FBXO11: variants seen among roughly 807,000 people sequenced by gnomAD.
FBXO11 encodes the protein F-box protein 11, also known as F-box only protein 11.
In FBXO11, 13 loss-of-function variants were observed where a neutral mutation model predicts 117.0. The observed-to-expected ratio is 0.11, with a 90% CI of 0.07 to 0.18. The LOEUF (loss-of-function observed/expected upper bound fraction) is 0.18. Among genes scored for constraint, FBXO11 ranks in the 10% least tolerant of loss-of-function variants. The pLI is 1.00. For missense variants in FBXO11, 767 were observed against 1,164.4 expected, an observed-to-expected ratio of 0.66 and a Z score of 4.97; for synonymous variants, 490 against 380.5, an observed-to-expected ratio of 1.29 and a Z score of -3.35.
At chr2:47,849,241 T>C (rs1260575073) in intron 1 of FBXO11, among the ~76,000 whole-genome samples, 3 of 152,362 alleles carry the variant, frequency 2.0e-5, no homozygotes, top group Admixed American at 6.5e-5. Flanking sequence ...TATTTTATAA[T>C]AGAGATCCCA....
In FBXO11 at chr2:47,906,016, C is replaced by CGAGA. The variant is rs1401540585; in HGVS notation, c.-300_-297dup. 1 of 299,812 alleles carries CGAGA rather than the reference C, an allele frequency of 3.3e-6. No homozygotes were observed. Among genetic ancestry groups the CGAGA allele is most frequent in the African/African-American group, 2.2e-5 (1 of 44,738 alleles). The allele number at this position is 299,812 out of a possible 1,614,324, so 18.6% of individuals were successfully genotyped here. ...GACGAAGGCAGAAAGACGGGCAGAC[C>CGAGA]GAGAGAAAGAAAGAAAGGGCGTCCG... is the stretch of plus-strand genomic sequence containing the variant. On this transcript the variant is annotated 5_prime_UTR_variant, in exon 1 of 23. Coordinates refer to ENST00000403359, the MANE Select transcript of FBXO11 (RefSeq NM_001190274.2).
chr2:47,847,468 G>C (rs1431529826), intron 1 of FBXO11, among the ~76,000 whole-genome samples: 1 of 152,158 alleles, frequency 6.6e-6, no homozygotes, highest in African/African-American at 2.4e-5. Flanking sequence ...CAGCACTTTG[G>C]GAGGCCAAGA....
rs991337666 is a variant in FBXO11, at chr2:47,807,286, T to C, written c.*832A>G. The C allele has an allele frequency of 4.6e-6, 1 of 219,720 alleles. No individual in the cohort carries two copies. The highest frequency in any genetic ancestry group is 9.1e-6 in the Non-Finnish European group (1 of 109,418). The allele number at this position is 219,720 out of a possible 1,614,324, so 13.6% of individuals were successfully genotyped here. ...TTGAAGAGACTTTCTAAAGTGTACT[T>C]AAAACATAGTAGTTTTTTACCTTTC... On this transcript the variant is annotated 3_prime_UTR_variant, in exon 23 of 23. Transcript: ENST00000403359.
intron 1 of FBXO11, among the ~76,000 whole-genome samples, chr2:47,860,843 ATTTTTTTT>A (rs34675496): frequency 2.9e-5 from 3 of 104,222 alleles, no homozygotes; most frequent in African/African-American, 1.2e-4. Flanking sequence ...GTTTTCCCCT[ATTTTTTTT>A]TTTTTTTTTT....
intron 1 of FBXO11, among the ~76,000 whole-genome samples, chr2:47,852,325 C>G (rs1187581816): frequency 6.6e-6 from 1 of 152,110 alleles, no homozygotes; most frequent in Non-Finnish European, 1.5e-5. Flanking sequence ...AAACGGACCT[C>G]ACCAGAGAGA....
chr2:47,897,574 A>C (rs1677769820), intron 1 of FBXO11, among the ~76,000 whole-genome samples: 1 of 151,930 alleles, frequency 6.6e-6, no homozygotes, highest in Non-Finnish European at 1.5e-5. Flanking sequence ...GTGTGCACCT[A>C]TAATCCCAGC....
rs762065265 is a variant in FBXO11, at chr2:47,835,966, C to T, written c.623G>A (p.Arg208His). 16 of 1,609,670 alleles carry T rather than the reference C, an allele frequency of 9.9e-6. No individual in the cohort carries two copies. Among genetic ancestry groups the T allele is most frequent in the Middle Eastern group, 1.7e-4 (1 of 6,010 alleles). The change falls in exon 5 of 23, where the codon CGC becomes CAC. Residue 208 changes from arginine (R) to histidine (H), a missense_variant. Coordinates refer to ENST00000403359, the MANE Select transcript of FBXO11 (RefSeq NM_001190274.2). ...RLYMEVFEYT[R>H]PMMHPEPGKF... ...TCCAGGTTCAGGATGCATCATAGGG[C>T]GAGTATATTCAAATACTTCCATATA... is the stretch of plus-strand genomic sequence containing the variant.
chr2:47,849,141 C>A lies in FBXO11; in HGVS notation c.233-9372G>T, dbSNP rs533727715. Among the ~76,000 whole-genome samples the A allele has an allele frequency of 1.3e-4, 20 of 148,626 alleles. No individual in the cohort carries two copies. In the South Asian group the frequency reaches 4.3e-3, roughly 32 times the overall value. On this transcript the variant is annotated intron_variant, in intron 1 of 22. Coordinates refer to ENST00000403359, the MANE Select transcript of FBXO11 (RefSeq NM_001190274.2). ...CTAACACAGTTGGAAACTACCACAG[C>A]TTTTCTCTAACTGCTAAAAAAATTC...
intron 1 of FBXO11, among the ~76,000 whole-genome samples, chr2:47,889,187 A>C (rs1018042000): frequency 2.0e-5 from 3 of 152,182 alleles, no homozygotes; most frequent in African/African-American, 7.2e-5. Context: ...CTTCATGAAA[A>C]AACAAAAGCT....
chr2:47,812,411 A>G (rs916797503), intron 18 of FBXO11, among the ~76,000 whole-genome samples: 25 of 152,208 alleles, frequency 1.6e-4, no homozygotes, highest in Non-Finnish European at 2.8e-4. Flanking sequence ...CTCAAAAGTG[A>G]TTTGACTTGC....
intron 1 of FBXO11, among the ~76,000 whole-genome samples, chr2:47,854,886 T>A (rs1225853756): frequency 6.6e-6 from 1 of 151,758 alleles, no homozygotes; most frequent in Admixed American, 6.6e-5. Flanking sequence ...GTGGAAAAAT[T>A]TCAATTACTG....
At chr2:47,808,493 T>TTA (rs1315902568) in intron 21 of FBXO11, 66 bp from the exon 22 acceptor site, 11 of 1,145,348 alleles carry the variant, frequency 9.6e-6, no homozygotes, top group Non-Finnish European at 1.2e-5. Context: ...TCCATTCTGT[T>TTA]TATATATTAC....
At chr2:47,843,688 A>C (rs1420695080) in intron 1 of FBXO11, among the ~76,000 whole-genome samples, 1 of 151,680 alleles carries the variant, frequency 6.6e-6, no homozygotes, top group Admixed American at 6.6e-5. Context: ...TAAATCCTTT[A>C]TTTTCAATTT....
intron 1 of FBXO11, among the ~76,000 whole-genome samples, chr2:47,854,851 GTT>G (rs770264788): frequency 1.3e-5 from 1 of 75,126 alleles, no homozygotes; most frequent in Admixed American, 1.5e-4. Context: ...TCTTTATTCT[GTT>G]TTTTTTTTTG....
At chr2:47,870,171 T>C (rs990887192) in intron 1 of FBXO11, among the ~76,000 whole-genome samples, 5 of 152,226 alleles carry the variant, frequency 3.3e-5, no homozygotes, top group Non-Finnish European at 5.9e-5. Context: ...CCTATGAATA[T>C]AGCCTATTGA....
intron 1 of FBXO11, among the ~76,000 whole-genome samples, chr2:47,886,594 T>C (rs891173735): frequency 6.6e-6 from 1 of 152,080 alleles, no homozygotes; most frequent in Non-Finnish European, 1.5e-5. Flanking sequence ...AGTTCTTTAA[T>C]AGCATACAAG....
intron 1 of FBXO11, among the ~76,000 whole-genome samples, chr2:47,884,141 C>G (rs973159208): frequency 4.6e-5 from 7 of 152,144 alleles, no homozygotes; most frequent in Non-Finnish European, 1.0e-4. Context: ...ATCACTTGAA[C>G]CCGGGAGGCA....
rs887733443 is a variant in FBXO11, at chr2:47,906,091, G to A, written c.-371C>T. On this transcript the variant is annotated 5_prime_UTR_variant, in exon 1 of 23. Coordinates refer to ENST00000403359, the MANE Select transcript of FBXO11 (RefSeq NM_001190274.2). ...CGCGGCGGCGGCGGCGGCGGCGGCTGAAGAGACAGATCCCGGTCCCGCCGA... is the reference window on the plus strand; with the variant it reads ...CGCGGCGGCGGCGGCGGCGGCGGCTAAAGAGACAGATCCCGGTCCCGCCGA... 1.7e-5 allele frequency: 4 copies of A among 240,616 alleles called. No homozygotes were observed. The highest frequency in any genetic ancestry group is 1.6e-5 in the Non-Finnish European group (2 of 125,198). The allele number at this position is 240,616 out of a possible 1,614,324, so 14.9% of individuals were successfully genotyped here.
chr2:47,862,618 T>C (rs569748325), intron 1 of FBXO11, among the ~76,000 whole-genome samples: 1 of 152,272 alleles, frequency 6.6e-6, no homozygotes, highest in East Asian at 1.9e-4. Context: ...AAAATGTAAG[T>C]GCAAATCTCA....
Sources: gnomAD v4.1 joint callset for allele counts (sites outside exome capture counted in the v4.1 genomes callset) on GRCh38, gnomAD v4.1.1 for gene constraint, MANE v1.5 for transcripts, NCBI Gene and HGNC (gene_info 2026-07-23, HGNC 2026-07-21) for gene names.